Variants in VRK2 observed in about 807,000 individuals in gnomAD.
VRK2 encodes the protein serine/threonine-protein kinase VRK2.
In VRK2, 60 loss-of-function variants were observed where a neutral mutation model predicts 57.6. That is an observed-to-expected ratio of 1.04 (90% CI 0.85 to 1.29). The LOEUF (loss-of-function observed/expected upper bound fraction) is 1.29. Among genes scored for constraint, VRK2 ranks in the 50% most tolerant of loss-of-function variants. VRK2 has a pLI of 0.00. For missense variants in VRK2, 705 were observed against 588.1 expected (o/e 1.20, Z -2.06); for synonymous variants, 231 against 199.2 (o/e 1.16, Z -1.35).
chr2:58,103,714 C>G (rs1481111776), intron 7 of VRK2, among the ~76,000 whole-genome samples: 3 of 151,538 alleles, frequency 2.0e-5, no homozygotes, highest in African/African-American at 7.3e-5. Context: ...TCCAAAAAAT[C>G]AAGGAAGAGG....
At chr2:58,103,442 A>G (rs1320234163) in intron 7 of VRK2, among the ~76,000 whole-genome samples, 1 of 151,750 alleles carries the variant, frequency 6.6e-6, no homozygotes, top group African/African-American at 2.4e-5. Context: ...AATGCAAGAG[A>G]TCATCAGAGA....
intron 7 of VRK2, among the ~76,000 whole-genome samples, chr2:58,094,615 T>G (rs1216793996): frequency 1.3e-5 from 2 of 152,250 alleles, no homozygotes; most frequent in Non-Finnish European, 2.9e-5. Context: ...AGGGACAATT[T>G]GACTTCCTCT....
intron 1 of VRK2, among the ~76,000 whole-genome samples, chr2:57,995,441 CA>C (rs1451626058): frequency 6.6e-6 from 1 of 152,116 alleles, no homozygotes; most frequent in African/African-American, 2.4e-5. Flanking sequence ...TTATTGGCAA[CA>C]AATACTGTGA....
intron 11 of VRK2, among the ~76,000 whole-genome samples, chr2:58,143,839 TG>T (rs1475852161): frequency 6.6e-6 from 1 of 151,784 alleles, no homozygotes; most frequent in Non-Finnish European, 1.5e-5. Context: ...TGTGTGTCAA[TG>T]GGTGAATGGA....
intron 2 of VRK2, among the ~76,000 whole-genome samples, chr2:58,083,415 G>T (rs959004702): frequency 3.3e-5 from 5 of 151,814 alleles, no homozygotes; most frequent in Non-Finnish European, 7.4e-5. Flanking sequence ...GAACACTGGA[G>T]TTTTTAAAAG....
At chr2:57,966,308 A>G (rs1671914781) in intron 1 of VRK2, among the ~76,000 whole-genome samples, 1 of 152,202 alleles carries the variant, frequency 6.6e-6, no homozygotes, top group African/African-American at 2.4e-5. Flanking sequence ...GCAGCAAACA[A>G]GCTAGTAGTC....
intron 7 of VRK2, among the ~76,000 whole-genome samples, chr2:58,120,784 A>G (rs990825508): frequency 6.6e-6 from 1 of 152,202 alleles, no homozygotes; most frequent in African/African-American, 2.4e-5. Context: ...CCTTTGCAGG[A>G]TATTAGTCAT....
At chr2:57,994,730 G>A (rs557493639) in intron 1 of VRK2, among the ~76,000 whole-genome samples, 22 of 151,298 alleles carry the variant, frequency 1.5e-4, no homozygotes, top group African/African-American at 5.3e-4. Context: ...TTCAATATTT[G>A]CTATTTTACA....
chr2:58,126,897 T>A (rs554276311), intron 8 of VRK2, among the ~76,000 whole-genome samples: 3 of 152,184 alleles, frequency 2.0e-5, no homozygotes, highest in South Asian at 4.1e-4. Context: ...TTTGAATCAA[T>A]GTGTGGTATA....
intron 1 of VRK2, among the ~76,000 whole-genome samples, chr2:57,971,582 T>G (rs1427184423): frequency 6.6e-6 from 1 of 151,832 alleles, no homozygotes; most frequent in South Asian, 2.1e-4. Context: ...ATTTATGTAT[T>G]TATTTATTTA....
At chr2:57,975,938 A>G (rs1558521638) in intron 1 of VRK2, among the ~76,000 whole-genome samples, 1 of 151,500 alleles carries the variant, frequency 6.6e-6, no homozygotes, top group African/African-American at 2.4e-5. Context: ...CTTCAGGTAG[A>G]CTCCAGTGTC....
At chr2:57,922,058 T>C (rs549868827) in intron 1 of VRK2, among the ~76,000 whole-genome samples, 1 of 152,186 alleles carries the variant, frequency 6.6e-6, no homozygotes, top group Admixed American at 6.6e-5. Flanking sequence ...CTGAATTTCT[T>C]ATATACAATA....
At chr2:57,966,901 T>A (rs1671935548) in intron 1 of VRK2, among the ~76,000 whole-genome samples, 1 of 151,888 alleles carries the variant, frequency 6.6e-6, no homozygotes, top group Non-Finnish European at 1.5e-5. Flanking sequence ...AGTAGAATGG[T>A]TAGTAGTGAA....
intron 7 of VRK2, among the ~76,000 whole-genome samples, chr2:58,108,222 T>C (rs947123039): frequency 6.6e-6 from 1 of 152,182 alleles, no homozygotes; most frequent in African/African-American, 2.4e-5. Flanking sequence ...AGAGTTGTCT[T>C]TGACTCTCTT....
intron 2 of VRK2, among the ~76,000 whole-genome samples, chr2:58,050,312 A>G (rs1162705017): frequency 6.6e-6 from 1 of 152,238 alleles, no homozygotes; most frequent in Non-Finnish European, 1.5e-5. Context: ...GAGCCCAGTT[A>G]GCCCATGTGG....
chr2:57,941,636 G>A (rs140035886), intron 1 of VRK2, among the ~76,000 whole-genome samples: 1 of 152,240 alleles, frequency 6.6e-6, no homozygotes, highest in East Asian at 1.9e-4. Flanking sequence ...GGGTACTTTA[G>A]CTCTTAGTCT....
In VRK2 at chr2:57,934,131, C is replaced by A. The variant is rs180702728; in HGVS notation, c.-439+26292C>A. On this transcript the variant is annotated intron_variant, in intron 1 of 15. Transcript: ENST00000417641. ...TTGAACCTATAGTTATTTTTAATAC[C>A]TTTGTCTTTTAATCATTATACTAGA... 4.1e-3 allele frequency among the ~76,000 whole-genome samples: 620 copies of A among 151,976 alleles called. 11 individuals carry two copies. The highest frequency in any genetic ancestry group is 0.03 in the Admixed American group (455 of 15,264).
intron 2 of VRK2, among the ~76,000 whole-genome samples, chr2:58,065,006 C>T (rs1323692112): frequency 1.9e-4 from 29 of 152,084 alleles, no homozygotes; most frequent in South Asian, 4.1e-4. Context: ...AGTCCACCTT[C>T]CCTTGAAGCC....
At chr2:57,942,899 TA>T (rs1671145346) in intron 1 of VRK2, among the ~76,000 whole-genome samples, 1 of 152,200 alleles carries the variant, frequency 6.6e-6, no homozygotes, top group African/African-American at 2.4e-5. Flanking sequence ...TCAGGGTTCA[TA>T]AAGTGGAATG....
Sources: gnomAD v4.1 joint callset for allele counts (sites outside exome capture counted in the v4.1 genomes callset) on GRCh38, gnomAD v4.1.1 for gene constraint, MANE v1.5 for transcripts, NCBI Gene and HGNC (gene_info 2026-07-23, HGNC 2026-07-21) for gene names.